LRRFIP1: variants seen among roughly 807,000 people sequenced by gnomAD.
LRRFIP1 encodes the protein LRR binding FLII interacting protein 1.
Under a neutral mutation model 104.4 loss-of-function variants are expected in LRRFIP1, and 62 were observed. The observed-to-expected ratio is 0.59, with a 90% confidence interval of 0.48 to 0.73. The LOEUF is 0.73. Ranked by LOEUF, LRRFIP1 falls within the 30% of genes least tolerant of loss-of-function variation. The pLI is 0.00. For missense variants in LRRFIP1, 796 were observed against 824.5 expected, an observed-to-expected ratio of 0.97 and a Z score of 0.42; for synonymous variants, 300 against 299.0, an observed-to-expected ratio of 1.00 and a Z score of -0.03.
chr2:237,776,198 G>A (rs140670407), intron 23 of LRRFIP1, among the ~76,000 whole-genome samples: 1,925 of 152,208 alleles, frequency 0.013, 47 homozygotes, highest in African/African-American at 0.044. Context: ...GACCTCAGGT[G>A]ATCCTCCTGC....
chr2:237,769,600 A>G, intron 19 of LRRFIP1: 1 of 259,990 alleles, frequency 3.8e-6, no homozygotes, highest in South Asian at 6.5e-5. Flanking sequence ...GTGTTTGTAC[A>G]TTGCTAATAA....
At chr2:237,743,410 C>T (rs1005618691) in intron 11 of LRRFIP1, among the ~76,000 whole-genome samples, 4 of 152,146 alleles carry the variant, frequency 2.6e-5, no homozygotes, top group Admixed American at 2.0e-4. Context: ...CCACCAGGGA[C>T]AAGACTTCAA....
At chr2:237,740,561 G>A (rs778900041) in intron 11 of LRRFIP1, among the ~76,000 whole-genome samples, 30 of 152,250 alleles carry the variant, frequency 2.0e-4, no homozygotes, top group African/African-American at 3.4e-4. Context: ...AAGTCGCAGC[G>A]CTGAGACCTC....
At chr2:237,718,311 T>G (rs1358640049) in intron 4 of LRRFIP1, among the ~76,000 whole-genome samples, 1 of 152,268 alleles carries the variant, frequency 6.6e-6, no homozygotes, top group Non-Finnish European at 1.5e-5. Context: ...CTGCATTTGC[T>G]GTTGGGTTCT....
chr2:237,731,763 A>C (rs767961172), intron 8 of LRRFIP1, among the ~76,000 whole-genome samples: 3 of 152,188 alleles, frequency 2.0e-5, no homozygotes. Flanking sequence ...GACTCACTTC[A>C]GTCCATTTAA....
intron 1 of LRRFIP1, among the ~76,000 whole-genome samples, chr2:237,704,955 G>T (rs1258357329): frequency 6.6e-6 from 1 of 152,182 alleles, no homozygotes. Flanking sequence ...CCCAAGTGAG[G>T]GACAGGGTAA....
At chr2:237,642,039 G>A (rs1047423470) in intron 1 of LRRFIP1, among the ~76,000 whole-genome samples, 6 of 152,216 alleles carry the variant, frequency 3.9e-5, no homozygotes, top group African/African-American at 1.2e-4. Context: ...AGAGTGTGGT[G>A]TAGAGGGTCA....
chr2:237,646,730 C>T (rs1240317792), intron 1 of LRRFIP1, among the ~76,000 whole-genome samples: 3 of 151,858 alleles, frequency 2.0e-5, no homozygotes, highest in East Asian at 1.9e-4. Flanking sequence ...CAGTGTGGGC[C>T]GTGTGTGCAC....
intron 1 of LRRFIP1, among the ~76,000 whole-genome samples, chr2:237,678,005 C>T (rs2091363198): frequency 6.6e-6 from 1 of 152,108 alleles, no homozygotes; most frequent in Admixed American, 6.6e-5. Flanking sequence ...ATTGCGTCAC[C>T]TCGGGCGGAC....
At chr2:237,731,960 G>A (rs915020754) in intron 8 of LRRFIP1, among the ~76,000 whole-genome samples, 11 of 152,290 alleles carry the variant, frequency 7.2e-5, no homozygotes, top group East Asian at 3.9e-4. Context: ...TGCCCAGTAC[G>A]TGGTGCGTTT....
intron 16 of LRRFIP1, among the ~76,000 whole-genome samples, chr2:237,756,394 C>G (rs953788267): frequency 5.9e-5 from 9 of 152,254 alleles, no homozygotes; most frequent in Non-Finnish European, 1.3e-4. Flanking sequence ...GGCCTGCAGA[C>G]AGCCACCTTC....
At chr2:237,742,984 AG>A (rs2057319240) in intron 11 of LRRFIP1, among the ~76,000 whole-genome samples, 1 of 151,964 alleles carries the variant, frequency 6.6e-6, no homozygotes, top group Non-Finnish European at 1.5e-5. Flanking sequence ...CCCTGGAAAG[AG>A]GGGTCATGAT....
chr2:237,705,095 C>T (rs6761882), intron 1 of LRRFIP1, among the ~76,000 whole-genome samples: 4,271 of 152,118 alleles, frequency 0.028, 216 homozygotes, highest in African/African-American at 0.097. Flanking sequence ...CAATACTGCA[C>T]GCTCAGGCAG....
intron 3 of LRRFIP1, among the ~76,000 whole-genome samples, chr2:237,715,270 A>G (rs1379204178): frequency 6.6e-6 from 1 of 152,124 alleles, no homozygotes; most frequent in Non-Finnish European, 1.5e-5. Context: ...GTGCTTGACT[A>G]GTGTTTCCAG....
chr2:237,734,007 G>A (rs1479998551), intron 9 of LRRFIP1, among the ~76,000 whole-genome samples, 189 bp downstream of exon 9: 9 of 152,314 alleles, frequency 5.9e-5, no homozygotes, highest in East Asian at 5.8e-4. Context: ...TCTCTCCCCC[G>A]ATTGTTGACT....
chr2:237,648,499 G>C (rs1206641742), intron 1 of LRRFIP1, among the ~76,000 whole-genome samples: 1 of 151,548 alleles, frequency 6.6e-6, no homozygotes, highest in African/African-American at 2.4e-5. Flanking sequence ...AGGCCAAGGT[G>C]GGAGGATCCC....
chr2:237,714,229 ATTTCT>A, intron 2 of LRRFIP1, 25 bp from the exon 3 acceptor site: 1 of 1,542,996 alleles, frequency 6.5e-7, no homozygotes, highest in Non-Finnish European at 8.9e-7. Context: ...TGGATTTTAC[ATTTCT>A]TTTTTCTTCT....
At chr2:237,736,678 C>T (rs1011688067) in intron 10 of LRRFIP1, among the ~76,000 whole-genome samples, 25 of 152,136 alleles carry the variant, frequency 1.6e-4, no homozygotes, top group South Asian at 8.3e-4. Flanking sequence ...CTTTTAGCCC[C>T]CACAAGAATT....
chr2:237,765,301 G>A lies in LRRFIP1; in HGVS notation c.1460-4642G>A, dbSNP rs181019817. ...AAAACACACACACACACAACACAAT[G>A]TTTTCACGCCTGTAAACCTAGCACA... On this transcript the variant is annotated intron_variant, in intron 19 of 23. Coordinates refer to ENST00000308482, the MANE Select transcript of LRRFIP1 (RefSeq NM_001137550.2). The A allele has an allele frequency of 4.1e-3, 731 of 180,172 alleles. 4 individuals carry two copies. The highest frequency in any genetic ancestry group is 5.9e-3 in the Admixed American group (88 of 14,886). 11.2% of individuals were successfully genotyped at this position (180,172 alleles called of 1,614,324 possible). A position where few individuals can be genotyped will look rare whatever the true frequency, so the allele number is the denominator to read the frequency against.
Sources: gnomAD v4.1 joint callset for allele counts (sites outside exome capture counted in the v4.1 genomes callset) on GRCh38, gnomAD v4.1.1 for gene constraint, MANE v1.5 for transcripts, NCBI Gene and HGNC (gene_info 2026-07-23, HGNC 2026-07-21) for gene names.